Variants in ADAMTSL1 observed in about 807,000 individuals in gnomAD.
ADAMTSL1 encodes the protein ADAMTS like 1.
Under a neutral mutation model 201.8 loss-of-function variants are expected in ADAMTSL1, and 126 were observed. The ratio of observed to expected loss-of-function variants is 0.62; its 90% CI spans 0.54 to 0.72. The LOEUF is 0.72. ADAMTSL1 is among the 30% of genes least tolerant of loss of function. The probability of loss-of-function intolerance (pLI) is 0.00; values close to 1 mark genes in which losing one functional copy is unlikely to be tolerated. For synonymous variants in ADAMTSL1, 1,121 were observed against 903.4 expected, an observed-to-expected ratio of 1.24 and a Z score of -4.32; for missense variants, 2,679 against 2,277.8, an observed-to-expected ratio of 1.18 and a Z score of -3.59.
intron 1 of ADAMTSL1, among the ~76,000 whole-genome samples, chr9:17,976,735 C>G (rs1403369432): frequency 2.0e-5 from 3 of 150,254 alleles, no homozygotes; most frequent in African/African-American, 4.9e-5. Context: ...CCCTCCCTGC[C>G]CCCTGCCTCC....
chr9:18,365,384 A>C (rs2133098887), intron 2 of ADAMTSL1, among the ~76,000 whole-genome samples: 1 of 152,298 alleles, frequency 6.6e-6, no homozygotes, highest in Non-Finnish European at 1.5e-5. Context: ...TATGTAGAAA[A>C]ACTATATGTA....
At chr9:18,276,192 G>C (rs1183382024) in intron 2 of ADAMTSL1, among the ~76,000 whole-genome samples, 3 of 151,762 alleles carry the variant, frequency 2.0e-5, no homozygotes, top group Non-Finnish European at 4.4e-5. Context: ...TTTTTATTGG[G>C]TGTTTGTCTT....
chr9:18,741,698 C>T (rs187389596), intron 15 of ADAMTSL1, among the ~76,000 whole-genome samples: 1 of 152,268 alleles, frequency 6.6e-6, no homozygotes, highest in East Asian at 1.9e-4. Flanking sequence ...GGAGTAGGGG[C>T]CTTCCTTGCC....
chr9:18,277,335 G>A (rs1347044376), intron 2 of ADAMTSL1, among the ~76,000 whole-genome samples: 2 of 152,072 alleles, frequency 1.3e-5, no homozygotes, highest in Non-Finnish European at 2.9e-5. Flanking sequence ...TATTTAACAT[G>A]CCATGTTAAA....
chr9:18,537,383 A>G (rs2132130949), intron 3 of ADAMTSL1, among the ~76,000 whole-genome samples: 1 of 152,344 alleles, frequency 6.6e-6, no homozygotes, highest in East Asian at 1.9e-4. Context: ...TCCAGAAAGG[A>G]CAGCTAGTGC....
intron 2 of ADAMTSL1, among the ~76,000 whole-genome samples, chr9:18,315,651 C>T (rs1385556897): frequency 6.6e-6 from 1 of 152,202 alleles, no homozygotes; most frequent in Non-Finnish European, 1.5e-5. Context: ...CCGCGCCCAC[C>T]TGGAACTCGC....
At chr9:18,685,759 A>G (rs1335425340) in intron 13 of ADAMTSL1, among the ~76,000 whole-genome samples, 1 of 152,216 alleles carries the variant, frequency 6.6e-6, no homozygotes, top group African/African-American at 2.4e-5. Flanking sequence ...TTGAATCTAA[A>G]TCTGATGTGG....
intron 3 of ADAMTSL1, among the ~76,000 whole-genome samples, chr9:18,566,294 T>C (rs1015635214): frequency 6.6e-6 from 1 of 152,232 alleles, no homozygotes; most frequent in Non-Finnish European, 1.5e-5. Flanking sequence ...AGTCATTCTT[T>C]CAACAAATAT....
rs546961950 is a variant in ADAMTSL1, at chr9:18,312,416, G to A, written c.207+148435G>A. Among the ~76,000 whole-genome samples the A allele has an allele frequency of 2.6e-5, 4 of 152,286 alleles. No homozygotes were observed. In the East Asian group the frequency reaches 5.8e-4, roughly 22 times the overall value. On this transcript the variant is annotated intron_variant, in intron 2 of 29. Coordinates refer to the ADAMTSL1 transcript ENST00000680146. ...CGTTGTATCTAAGAGGACTTAAAAA[G>A]GAGAAAAATTAAAATGAGAGCAGGA...
At chr9:18,070,088 A>G (rs1822891874) in intron 1 of ADAMTSL1, among the ~76,000 whole-genome samples, 2 of 152,250 alleles carry the variant, frequency 1.3e-5, no homozygotes, top group African/African-American at 2.4e-5. Flanking sequence ...GTGAGGCTAC[A>G]GGTCTATATG....
At chr9:17,988,360 C>G (rs1335272793) in intron 1 of ADAMTSL1, among the ~76,000 whole-genome samples, 1 of 151,972 alleles carries the variant, frequency 6.6e-6, no homozygotes, top group African/African-American at 2.4e-5. Context: ...ATACCTACCT[C>G]AATAACAATT....
intron 2 of ADAMTSL1, among the ~76,000 whole-genome samples, chr9:18,236,099 C>T (rs1366455069): frequency 6.6e-6 from 1 of 152,188 alleles, no homozygotes; most frequent in Admixed American, 6.5e-5. Context: ...TCAGTACCCT[C>T]ACCCAAAATC....
chr9:17,976,724 T>G, intron 1 of ADAMTSL1, among the ~76,000 whole-genome samples: 1 of 70,462 alleles, frequency 1.4e-5, no homozygotes, highest in Non-Finnish European at 2.9e-5. Flanking sequence ...CTCCCTCCCC[T>G]CCCTCCCTGC....
chr9:18,099,150 A>G (rs1050197178), intron 1 of ADAMTSL1, among the ~76,000 whole-genome samples: 1 of 144,528 alleles, frequency 6.9e-6, no homozygotes, highest in African/African-American at 2.6e-5. Flanking sequence ...GGTGCCCTTT[A>G]TATTTGGAGA....
At chr9:18,291,793 TAG>T (rs973458902) in intron 2 of ADAMTSL1, among the ~76,000 whole-genome samples, 6 of 144,974 alleles carry the variant, frequency 4.1e-5, no homozygotes, top group African/African-American at 1.5e-4. Flanking sequence ...CTACCTGTCT[TAG>T]AGAGTCTCCT....
intron 4 of ADAMTSL1, among the ~76,000 whole-genome samples, chr9:18,602,078 A>C (rs1473514774): frequency 6.6e-6 from 1 of 152,218 alleles, no homozygotes; most frequent in Non-Finnish European, 1.5e-5. Context: ...AGGCTTCTGC[A>C]TAAGAAATGT....
intron 13 of ADAMTSL1, among the ~76,000 whole-genome samples, chr9:18,685,144 C>G (rs903891808): frequency 1.3e-5 from 2 of 152,226 alleles, no homozygotes; most frequent in Non-Finnish European, 2.9e-5. Context: ...AAAGTCTGAG[C>G]TGCTTTTCAC....
At chr9:18,047,786 A>G (rs1821735711) in intron 1 of ADAMTSL1, among the ~76,000 whole-genome samples, 1 of 152,228 alleles carries the variant, frequency 6.6e-6, no homozygotes, top group Non-Finnish European at 1.5e-5. Context: ...GTTAGCGTTA[A>G]TACTGAGAGA....
intron 4 of ADAMTSL1, among the ~76,000 whole-genome samples, chr9:18,603,778 C>T (rs1388376791): frequency 6.6e-6 from 1 of 152,134 alleles, no homozygotes; most frequent in Non-Finnish European, 1.5e-5. Context: ...AATACATTCA[C>T]GTTGTTGTGC....
Sources: allele counts gnomAD v4.1 joint callset (sites outside exome capture counted in the v4.1 genomes callset), GRCh38; gene constraint gnomAD v4.1.1; transcripts MANE v1.5; gene names NCBI Gene and HGNC (gene_info 2026-07-23, HGNC 2026-07-21).